CTNNA2: variants seen among roughly 807,000 people sequenced by gnomAD.
CTNNA2 encodes catenin alpha-2.
CTNNA2 carries 42 observed loss-of-function variants against 101.0 expected under a neutral mutation model. That is an observed-to-expected ratio of 0.42 (90% confidence interval 0.32 to 0.54). The LOEUF is 0.54. Ranked by LOEUF, CTNNA2 falls within the 20% of genes least tolerant of loss-of-function variation. CTNNA2 has a pLI of 0.14. For synonymous variants in CTNNA2, 450 were observed against 456.4 expected, an observed-to-expected ratio of 0.99 and a Z score of 0.18; for missense variants, 871 against 1,223.1, an observed-to-expected ratio of 0.71 and a Z score of 4.29.
At chr2:79,549,050 G>C (rs1231812373) in intron 1 of CTNNA2, among the ~76,000 whole-genome samples, 5 of 152,272 alleles carry the variant, frequency 3.3e-5, no homozygotes, top group Admixed American at 2.6e-4. Flanking sequence ...ACGGTGCATA[G>C]TAATACTTCA....
intron 7 of CTNNA2, among the ~76,000 whole-genome samples, chr2:80,164,939 G>GTTTT (rs774573996): frequency 1.0e-4 from 10 of 99,266 alleles, no homozygotes; most frequent in African/African-American, 3.8e-4. Flanking sequence ...CCAACTTTTG[G>GTTTT]TTTTTTTTTT....
At chr2:80,259,620 T>A (rs1417459187) in intron 7 of CTNNA2, among the ~76,000 whole-genome samples, 1 of 152,212 alleles carries the variant, frequency 6.6e-6, no homozygotes, top group East Asian at 1.9e-4. Context: ...TCTCTGTGGA[T>A]CTCACAAGGT....
chr2:80,196,737 T>C (rs899961990), intron 7 of CTNNA2, among the ~76,000 whole-genome samples: 1 of 152,190 alleles, frequency 6.6e-6, no homozygotes, highest in Non-Finnish European at 1.5e-5. Flanking sequence ...ACCATCTGTC[T>C]CTGAACTACT....
chr2:80,369,172 TTCTTA>T (rs1406406397), intron 7 of CTNNA2, among the ~76,000 whole-genome samples: 1 of 152,134 alleles, frequency 6.6e-6, no homozygotes, highest in Non-Finnish European at 1.5e-5. Flanking sequence ...CACCATCTTA[TTCTTA>T]TCTTTTTATA....
chr2:79,611,098 C>T (rs1350409319), intron 1 of CTNNA2, among the ~76,000 whole-genome samples: 1 of 152,000 alleles, frequency 6.6e-6, no homozygotes, highest in East Asian at 1.9e-4. Context: ...AATATATAAG[C>T]GTTGATTAAA....
chr2:80,409,156 T>C (rs888583162), intron 8 of CTNNA2, among the ~76,000 whole-genome samples: 1 of 152,186 alleles, frequency 6.6e-6, no homozygotes, highest in African/African-American at 2.4e-5. Flanking sequence ...GCTAGAAATG[T>C]CTTTTCCACC....
At chr2:79,511,955 C>A (rs1001644592), upstream of CTNNA2, among the ~76,000 whole-genome samples, 1 of 152,206 alleles carries the variant, frequency 6.6e-6, no homozygotes, top group Non-Finnish European at 1.5e-5. Context: ...TTGTGTCATA[C>A]TAAACTTCCA....
intron 7 of CTNNA2, among the ~76,000 whole-genome samples, chr2:79,943,820 G>T (rs1688314409): frequency 1.3e-5 from 2 of 152,180 alleles, no homozygotes; most frequent in African/African-American, 4.8e-5. Flanking sequence ...ATCCTAAACA[G>T]TGTCCAAAAA....
intron 7 of CTNNA2, among the ~76,000 whole-genome samples, chr2:80,102,127 G>A (rs112521945): frequency 1.6e-3 from 246 of 152,228 alleles, no homozygotes; most frequent in Non-Finnish European, 2.9e-3. Flanking sequence ...CCTAGTGCCC[G>A]ATATAAGGTT....
intron 4 of CTNNA2, among the ~76,000 whole-genome samples, chr2:79,492,929 C>T (rs1364855992): frequency 6.6e-6 from 1 of 152,112 alleles, no homozygotes. Context: ...CAATGTAACC[C>T]ACCATATCAA....
chr2:79,753,314 A>C (rs1672169814), intron 3 of CTNNA2, among the ~76,000 whole-genome samples: 1 of 152,178 alleles, frequency 6.6e-6, no homozygotes, highest in Admixed American at 6.5e-5. Context: ...GTAGTCAGTA[A>C]TCTTATTCAA....
chr2:79,225,808 C>T (rs1447400141), intron 2 of CTNNA2, among the ~76,000 whole-genome samples: 8 of 152,166 alleles, frequency 5.3e-5, no homozygotes, highest in African/African-American at 1.9e-4. Flanking sequence ...TCCTGCAAAC[C>T]TATGTGCGGC....
In CTNNA2 at chr2:80,111,460, C is replaced by T. The variant is rs115534440; in HGVS notation, c.1056+201663C>T. ...TGTCCTCTCTGGCCAGTCACTTCAG[C>T]TCTCCACATTTACTTATATATAGAA... On this transcript the variant is annotated intron_variant, in intron 7 of 18. Transcript: ENST00000402739. Among the ~76,000 whole-genome samples the T allele has an allele frequency of 1.6e-3, 238 of 152,312 alleles. 2 individuals carry two copies. In the Middle Eastern group the frequency reaches 0.017, roughly 11 times the overall value.
At chr2:80,089,022 T>C (rs1018992456) in intron 7 of CTNNA2, among the ~76,000 whole-genome samples, 2 of 151,950 alleles carry the variant, frequency 1.3e-5, no homozygotes, top group Non-Finnish European at 1.5e-5. Flanking sequence ...TAGCTCAGTG[T>C]TTCCCATCCT....
chr2:80,192,210 T>C (rs569163974), intron 7 of CTNNA2, among the ~76,000 whole-genome samples: 1 of 152,304 alleles, frequency 6.6e-6, no homozygotes, highest in South Asian at 2.1e-4. Flanking sequence ...ATTTTATAGA[T>C]AGGTAGAAGA....
chr2:80,630,225 T>C (rs1485004553), intron 18 of CTNNA2, among the ~76,000 whole-genome samples: 1 of 152,196 alleles, frequency 6.6e-6, no homozygotes, highest in Admixed American at 6.5e-5. Context: ...TTAAACAAGG[T>C]AAAATGGCTT....
intron 7 of CTNNA2, among the ~76,000 whole-genome samples, chr2:80,006,656 T>G (rs1433564651): frequency 6.6e-6 from 1 of 152,160 alleles, no homozygotes; most frequent in Non-Finnish European, 1.5e-5. Flanking sequence ...ATCCCAGAAA[T>G]GAAACATCTA....
At chr2:79,439,375 A>G (rs1256478256) in intron 4 of CTNNA2, among the ~76,000 whole-genome samples, 2 of 152,198 alleles carry the variant, frequency 1.3e-5, no homozygotes. Flanking sequence ...GCAAATCCAT[A>G]GAAACAGAAA....
intron 7 of CTNNA2, among the ~76,000 whole-genome samples, chr2:80,105,850 C>G (rs534493798): frequency 2.2e-4 from 33 of 152,210 alleles, no homozygotes; most frequent in Admixed American, 1.5e-3. Context: ...TGTGTTTCAC[C>G]CCAGGCTTTA....
Sources: gnomAD v4.1 joint callset for allele counts (sites outside exome capture counted in the v4.1 genomes callset) on GRCh38, gnomAD v4.1.1 for gene constraint, MANE v1.5 for transcripts, NCBI Gene and HGNC (gene_info 2026-07-23, HGNC 2026-07-21) for gene names.